RARB: variants seen among roughly 807,000 people sequenced by gnomAD.
The protein encoded by RARB is HBV-activated protein.
Under a neutral mutation model 51.9 loss-of-function variants are expected in RARB, and 17 were observed. That is an observed-to-expected ratio of 0.33 (90% confidence interval 0.22 to 0.49). The LOEUF is 0.49. RARB is among the 20% of genes least tolerant of loss of function. The probability of loss-of-function intolerance (pLI) is 0.99; values close to 1 mark genes in which losing one functional copy is unlikely to be tolerated. For synonymous variants in RARB, 215 were observed against 195.4 expected, an observed-to-expected ratio of 1.10 and a Z score of -0.84; for missense variants, 369 against 550.8, an observed-to-expected ratio of 0.67 and a Z score of 3.30.
At chr3:25,146,047 T>G (rs148040327) in intron 4 of RARB, among the ~76,000 whole-genome samples, 1 of 151,790 alleles carries the variant, frequency 6.6e-6, no homozygotes, top group African/African-American at 2.4e-5. Flanking sequence ...GATTCAAACA[T>G]GTATGTGAGT....
At chr3:24,938,826 T>G (rs143036586) in intron 2 of RARB, among the ~76,000 whole-genome samples, 1 of 152,330 alleles carries the variant, frequency 6.6e-6, no homozygotes, top group East Asian at 1.9e-4. Flanking sequence ...ATATTTGTCC[T>G]TTTGTATCTG....
intron 2 of RARB, among the ~76,000 whole-genome samples, chr3:25,472,921 T>C (rs1695767548): frequency 1.3e-5 from 2 of 152,220 alleles, no homozygotes; most frequent in South Asian, 2.1e-4. Flanking sequence ...GACTGACATA[T>C]GTCTCTCATT....
chr3:25,214,803 T>A (rs976268706), intron 5 of RARB, among the ~76,000 whole-genome samples: 1 of 152,224 alleles, frequency 6.6e-6, no homozygotes, highest in Non-Finnish European at 1.5e-5. Context: ...TCCCATTTTA[T>A]GTATGCAAAA....
intron 5 of RARB, among the ~76,000 whole-genome samples, chr3:25,365,735 C>A (rs1017498892): frequency 6.6e-6 from 1 of 152,202 alleles, no homozygotes; most frequent in Admixed American, 6.5e-5. Flanking sequence ...GGACTAAAAG[C>A]CTTACTCTCA....
chr3:25,120,300 C>A (rs1699762032), intron 3 of RARB, among the ~76,000 whole-genome samples: 1 of 152,050 alleles, frequency 6.6e-6, no homozygotes. Context: ...CTGGAGATTA[C>A]ATACTCCTTT....
intron 4 of RARB, among the ~76,000 whole-genome samples, chr3:25,143,622 T>C (rs1446528535): frequency 6.6e-6 from 1 of 152,178 alleles, no homozygotes; most frequent in Non-Finnish European, 1.5e-5. Flanking sequence ...TCTGTAGGTC[T>C]TTACATCTCC....
chr3:24,944,872 G>A (rs1440750321), intron 2 of RARB, among the ~76,000 whole-genome samples: 3 of 152,310 alleles, frequency 2.0e-5, no homozygotes, highest in African/African-American at 4.8e-5. Flanking sequence ...AGGCAAAGTA[G>A]ATATGAAGAT....
chr3:25,183,665 C>A (rs1451699601), intron 5 of RARB, among the ~76,000 whole-genome samples: 2 of 152,094 alleles, frequency 1.3e-5, no homozygotes, highest in African/African-American at 2.4e-5. Context: ...ATTGGCTTAT[C>A]TTCTAGTCTC....
intron 2 of RARB, among the ~76,000 whole-genome samples, chr3:24,908,661 CTGT>C (rs1488982484): frequency 1.5e-4 from 7 of 47,012 alleles, no homozygotes; most frequent in African/African-American, 4.3e-4. Context: ...GTAACCACAA[CTGT>C]TTTTTTTTTT....
intron 1 of RARB, among the ~76,000 whole-genome samples, chr3:24,837,914 C>G (rs948216863): frequency 6.6e-6 from 1 of 152,194 alleles, no homozygotes; most frequent in East Asian, 1.9e-4. Context: ...CTGAAAACAT[C>G]ACACATTCAC....
chr3:24,942,857 T>C (rs1305984696), intron 2 of RARB, among the ~76,000 whole-genome samples: 2 of 152,304 alleles, frequency 1.3e-5, no homozygotes, highest in South Asian at 4.1e-4. Context: ...CACAAAATCA[T>C]CTAAAACCTG....
rs1575163102 is a variant in RARB, at chr3:25,106,451, G to GGTTTTTTTTTTTTTTTTTTTTTTTTTTTT, written c.-327-25710_-327-25709insGTTTTTTTTTTTTTTTTTTTTTTTTTTTT. On this transcript the variant is annotated intron_variant, in intron 3 of 11. Transcript: ENST00000383772. ...CCACCATGCCCAGCTACTGTTTTTTGTTTTTTGTTTTTTTTTGTTTTGTTT... is the reference window on the plus strand; with the variant it reads ...CCACCATGCCCAGCTACTGTTTTTTGGTTTTTTTTTTTTTTTTTTTTTTTTTTTTTTTTTTGTTTTTTTTTGTTTTGTTT... Among the ~76,000 whole-genome samples the GGTTTTTTTTTTTTTTTTTTTTTTTTTTTT allele has an allele frequency of 5.7e-5, 4 of 70,534 alleles. 1 individual carries two copies. The highest frequency in any genetic ancestry group is 1.9e-4 in the African/African-American group (3 of 16,164). The allele number at this position is 70,534 out of a possible 152,430, so 46.3% of individuals were successfully genotyped here.
intron 2 of RARB, among the ~76,000 whole-genome samples, chr3:25,004,067 G>T (rs974920341): frequency 5.6e-4 from 85 of 152,230 alleles, no homozygotes; most frequent in African/African-American, 2.0e-3. Context: ...TCTAGTACAA[G>T]TTCCTTTATG....
chr3:25,153,699 T>TA (rs756173037), intron 4 of RARB, among the ~76,000 whole-genome samples: 5 of 152,260 alleles, frequency 3.3e-5, no homozygotes, highest in African/African-American at 4.8e-5. Context: ...CAATGCATAT[T>TA]ATGTACTCAC....
At chr3:25,344,134 C>G (rs1432176086) in intron 5 of RARB, among the ~76,000 whole-genome samples, 1 of 152,140 alleles carries the variant, frequency 6.6e-6, no homozygotes, top group Non-Finnish European at 1.5e-5. Context: ...CTAATTGCCT[C>G]AGGGGTGATG....
At chr3:24,953,977 C>G (rs1449787172) in intron 2 of RARB, among the ~76,000 whole-genome samples, 1 of 152,124 alleles carries the variant, frequency 6.6e-6, no homozygotes, top group Non-Finnish European at 1.5e-5. Context: ...TTTCTGAGCG[C>G]TCAGATGAGT....
At chr3:25,209,919 G>C (rs753714200) in intron 5 of RARB, among the ~76,000 whole-genome samples, 2 of 151,950 alleles carry the variant, frequency 1.3e-5, no homozygotes, top group Admixed American at 6.6e-5. Context: ...CATTTAACTT[G>C]GATTTCAAAG....
At chr3:25,217,565 C>T (rs555704564) in intron 5 of RARB, among the ~76,000 whole-genome samples, 19 of 151,930 alleles carry the variant, frequency 1.3e-4, no homozygotes, top group African/African-American at 4.1e-4. Flanking sequence ...AGAGAGAGTT[C>T]GGGATTTGGA....
intron 5 of RARB, among the ~76,000 whole-genome samples, chr3:25,219,218 T>C (rs80106461): frequency 0.021 from 3,252 of 151,980 alleles, 62 homozygotes; most frequent in South Asian, 0.085. Flanking sequence ...TCATTTTTAA[T>C]GATCCTCTCT....
Sources: allele counts gnomAD v4.1 joint callset (sites outside exome capture counted in the v4.1 genomes callset), GRCh38; gene constraint gnomAD v4.1.1; transcripts MANE v1.5; gene names NCBI Gene and HGNC (gene_info 2026-07-23, HGNC 2026-07-21).